ANK2: variants seen among roughly 807,000 people sequenced by gnomAD.
The protein encoded by ANK2 is ankyrin-2.
In ANK2, 83 loss-of-function variants were observed where a neutral mutation model predicts 360.5. The observed-to-expected ratio is 0.23, with a 90% CI of 0.19 to 0.28. The LOEUF (loss-of-function observed/expected upper bound fraction) is 0.28, where lower values mean the gene tolerates loss of function less well. Among genes scored for constraint, ANK2 ranks in the 10% least tolerant of loss-of-function variants. The pLI, the probability that ANK2 is intolerant of heterozygous loss-of-function variation, is 1.00. For synonymous variants in ANK2, 1,740 were observed against 1,759.5 expected (o/e 0.99, Z 0.28); for missense variants, 4,201 against 4,795.7 (o/e 0.88, Z 3.66).
At chr4:113,028,781 C>T (rs550760580) in intron 2 of ANK2, among the ~76,000 whole-genome samples, 1 of 152,024 alleles carries the variant, frequency 6.6e-6, no homozygotes, top group Non-Finnish European at 1.5e-5. Flanking sequence ...TCTGAGACAA[C>T]AAAAAATGCG....
intron 33 of ANK2, 73 bp downstream of exon 33, chr4:113,341,989 T>A: frequency 7.8e-7 from 1 of 1,280,046 alleles, no homozygotes; most frequent in Non-Finnish European, 1.1e-6. Flanking sequence ...ACATTTCAAA[T>A]ATCATTTAAT....
At chr4:113,108,882 A>G (rs1270996999) in intron 1 of ANK2, among the ~76,000 whole-genome samples, 1 of 152,224 alleles carries the variant, frequency 6.6e-6, no homozygotes, top group Non-Finnish European at 1.5e-5. Flanking sequence ...AATTCTTTCA[A>G]TTACATCTTA....
Position 113,367,574 on chromosome 4 carries a change from G to A in ANK2, c.11041G>A (p.Val3681Ile). 1.2e-6 allele frequency: 2 copies of A among 1,613,648 alleles called. No individual in the cohort carries two copies. Among genetic ancestry groups the A allele is most frequent in the Non-Finnish European group, 1.7e-6 (2 of 1,179,922 alleles). Residue 3681 changes from valine to isoleucine, a missense_variant, in exon 42 of 46, where the codon GTA becomes ATA. Physicochemically the swap from Val to Ile is conservative, Grantham distance 29. Transcript: ENST00000357077. ...ITLDHSEGFSVLQEELCTAQH... is the reference protein window; with the variant it reads ...ITLDHSEGFSILQEELCTAQH... ...AATCATTCTGCCTTTAGGGTTCTCG[G>A]TACTTCAAGAGGAGTTATGCACTGC... is the stretch of plus-strand genomic sequence containing the variant.
chr4:112,987,600 G>C (rs955762485), intron 2 of ANK2, among the ~76,000 whole-genome samples: 1 of 151,976 alleles, frequency 6.6e-6, no homozygotes, highest in Non-Finnish European at 1.5e-5. Context: ...ACCCATGAAG[G>C]TCATACCCAC....
chr4:113,157,148 AT>A (rs1583309738), intron 1 of ANK2, among the ~76,000 whole-genome samples: 1 of 152,050 alleles, frequency 6.6e-6, no homozygotes, highest in Admixed American at 6.6e-5. Context: ...TATGGGTTTC[AT>A]TTCTACTACT....
At chr4:113,080,523 A>C (rs2154346734) in intron 1 of ANK2, among the ~76,000 whole-genome samples, 1 of 152,316 alleles carries the variant, frequency 6.6e-6, no homozygotes, top group African/African-American at 2.4e-5. Flanking sequence ...TCTTAAATTG[A>C]TTGATGGGAA....
At chr4:113,279,980 A>G (rs29331) in intron 17 of ANK2, among the ~76,000 whole-genome samples, 12,716 of 152,172 alleles carry the variant, frequency 0.084, 911 homozygotes, top group Admixed American at 0.2. Flanking sequence ...GAGGTGTTTA[A>G]TAACATATGT....
At chr4:113,330,125 C>A in intron 26 of ANK2, 121 bp from the exon 27 acceptor site, 3 of 918,164 alleles carry the variant, frequency 3.3e-6, no homozygotes, top group Non-Finnish European at 5.1e-6. Context: ...ATTTTACCAC[C>A]ATGCATTTAA....
Position 112,911,383 on chromosome 4 carries a change from C to T in ANK2, c.21+6869C>T, listed in dbSNP as rs181834430. Among the ~76,000 whole-genome samples, 505 of 151,706 alleles carry T rather than the reference C, an allele frequency of 3.3e-3. 1 individual carries two copies. The highest frequency in any genetic ancestry group is 6.0e-3 in the Non-Finnish European group (406 of 67,886). On this transcript the variant is annotated intron_variant, in intron 2 of 30. Coordinates refer to the ANK2 transcript ENST00000503271. ...CTAAAAATACAAAAAATTAGCCGGG[C>T]GTGGTGGTTGGCACCTGTACTTCCT...
intron 32 of ANK2, among the ~76,000 whole-genome samples, chr4:113,340,723 CAAAA>C (rs35140862): frequency 7.5e-6 from 1 of 133,268 alleles, no homozygotes; most frequent in Non-Finnish European, 1.5e-5. Context: ...AACAAACAAA[CAAAA>C]AACAAACAAA....
Position 113,253,381 on chromosome 4 carries a change from G to A in ANK2, c.991-2354G>A, listed in dbSNP as rs2047538376. 2.0e-5 allele frequency among the ~76,000 whole-genome samples: 3 copies of A among 152,170 alleles called. No homozygotes were observed. The South Asian group carries it at 6.2e-4, about 32-fold the overall frequency. On this transcript the variant is annotated intron_variant, in intron 10 of 45. Coordinates refer to ENST00000357077, the MANE Select transcript of ANK2 (RefSeq NM_001148.6). ...AAATCTCATGCAGTTCTATCTTTAA[G>A]TAGTACCTGTATGCTGGTGCCACGA...
intron 1 of ANK2, among the ~76,000 whole-genome samples, chr4:113,129,957 G>A (rs1356560512): frequency 1.3e-5 from 2 of 152,058 alleles, no homozygotes; most frequent in African/African-American, 2.4e-5. Flanking sequence ...TCTGTTTTGT[G>A]AAATTATAAC....
In ANK2 at chr4:113,233,104, C is replaced by CTTTTTTTTTTTTTT. The variant is rs1563056547; in HGVS notation, c.483+846_483+847insTTTTTTTTTTTTTT. On this transcript the variant is annotated intron_variant, in intron 5 of 45. Coordinates refer to ENST00000357077, the MANE Select transcript of ANK2 (RefSeq NM_001148.6). ...ACCAGAGTATATGGGCTTGGCTTTT[C>CTTTTTTTTTTTTTT]TGTTTTTTTTTTTTTTTTTTTTTTT... Among the ~76,000 whole-genome samples, 2 of 29,296 alleles carry CTTTTTTTTTTTTTT rather than the reference C, an allele frequency of 6.8e-5. 1 individual carries two copies. The highest frequency in any genetic ancestry group is 1.3e-4 in the Non-Finnish European group (2 of 15,494). 19.2% of individuals were successfully genotyped at this position (29,296 alleles called of 152,430 possible). A position where few individuals can be genotyped will look rare whatever the true frequency, so the allele number is the denominator to read the frequency against.
intron 14 of ANK2, among the ~76,000 whole-genome samples, chr4:113,269,036 G>C (rs1338018872): frequency 6.6e-6 from 1 of 152,176 alleles, no homozygotes; most frequent in Non-Finnish European, 1.5e-5. Flanking sequence ...TTGGTGTAGA[G>C]GCATTTATCG....
Position 113,383,236 on chromosome 4 carries a change from T to G in ANK2, c.*1765T>G, listed in dbSNP as rs1289969875. 6.6e-6 allele frequency: 1 copy of G among 152,584 alleles called. No individual in the cohort carries two copies. The highest frequency in any genetic ancestry group is 1.5e-5 in the Non-Finnish European group (1 of 68,042). 9.5% of individuals were successfully genotyped at this position (152,584 alleles called of 1,614,324 possible). On this transcript the variant is annotated 3_prime_UTR_variant, in exon 46 of 46. Transcript: ENST00000357077. ...GCGACAAACAATGGCACTTCATCATTTAAAGTAATGTTGCCAAGAGAAAAA... is the reference window on the plus strand; with the variant it reads ...GCGACAAACAATGGCACTTCATCATGTAAAGTAATGTTGCCAAGAGAAAAA...
chr4:113,184,206 A>C (rs960050594), intron 2 of ANK2, among the ~76,000 whole-genome samples: 1 of 151,684 alleles, frequency 6.6e-6, no homozygotes, highest in Non-Finnish European at 1.5e-5. Flanking sequence ...ATTCTAAAGG[A>C]TCAGTGTGGG....
At chr4:113,091,975 G>A (rs1561994728) in intron 1 of ANK2, among the ~76,000 whole-genome samples, 1 of 151,942 alleles carries the variant, frequency 6.6e-6, no homozygotes, top group Non-Finnish European at 1.5e-5. Flanking sequence ...TGAAACTTAA[G>A]GATTTATAGT....
chr4:113,009,357 T>C (rs1486609802), intron 2 of ANK2, among the ~76,000 whole-genome samples: 1 of 152,210 alleles, frequency 6.6e-6, no homozygotes, highest in Non-Finnish European at 1.5e-5. Context: ...ATGTGTTCTC[T>C]ATATATTTTC....
At chr4:113,204,230 A>G (rs1309853418) in intron 4 of ANK2, among the ~76,000 whole-genome samples, 1 of 152,146 alleles carries the variant, frequency 6.6e-6, no homozygotes, top group Non-Finnish European at 1.5e-5. Context: ...TTATTATTAC[A>G]AAGCAAATTG....
Sources: allele counts gnomAD v4.1 joint callset (sites outside exome capture counted in the v4.1 genomes callset), GRCh38; gene constraint gnomAD v4.1.1; transcripts MANE v1.5; gene names NCBI Gene and HGNC (gene_info 2026-07-23, HGNC 2026-07-21).